Variants in NOCT observed in about 807,000 individuals in gnomAD.
The protein encoded by NOCT is nocturnin.
NOCT carries 18 observed loss-of-function variants against 35.0 expected under a neutral mutation model. The ratio of observed to expected loss-of-function variants is 0.51; its 90% CI spans 0.36 to 0.76. The LOEUF is 0.76. Among genes scored for constraint, NOCT ranks in the 30% least tolerant of loss-of-function variants. NOCT has a pLI of 0.01. For synonymous variants in NOCT, 235 were observed against 226.3 expected, an observed-to-expected ratio of 1.04 and a Z score of -0.34; for missense variants, 479 against 541.0, an observed-to-expected ratio of 0.89 and a Z score of 1.14.
rs564467808 is a variant in NOCT at position 139,030,167 on chromosome 4, C to G, written c.191-12907C>G. 2.3e-4 allele frequency among the ~76,000 whole-genome samples: 35 copies of G among 152,296 alleles called. No individual in the cohort carries two copies. The South Asian group carries it at 7.3e-3, about 32-fold the overall frequency. On this transcript the variant is annotated intron_variant, in intron 1 of 2. Transcript: ENST00000280614. ...GTGCTGAGACTACAGGCGTGAGCCA[C>G]CGCGCCTGGCCTAGAGTTACGTTTA... is the stretch of plus-strand genomic sequence containing the variant.
At chr4:139,028,344 T>G (rs2148643945) in intron 1 of NOCT, 1 of 152,494 alleles carries the variant, frequency 6.6e-6, no homozygotes, top group Middle Eastern at 3.4e-3. Context: ...GGTCTGTGAC[T>G]GCCACCTGGC....
intron 1 of NOCT, among the ~76,000 whole-genome samples, chr4:139,017,627 C>T (rs200410607): frequency 6.6e-6 from 1 of 151,094 alleles, no homozygotes; most frequent in Non-Finnish European, 1.5e-5. Context: ...GTCAGGAGTT[C>T]GTGACCATCC....
chr4:139,045,612 G>GT lies in NOCT; in HGVS notation c.*140dup. 1.9e-6 allele frequency: 1 copy of GT among 534,552 alleles called. No individual in the cohort carries two copies. The highest frequency in any genetic ancestry group is 3.0e-5 in the South Asian group (1 of 33,296). The allele number at this position is 534,552 out of a possible 1,614,324, so 33.1% of individuals were successfully genotyped here. A position where few individuals can be genotyped will look rare whatever the true frequency, so the allele number is the denominator to read the frequency against. On this transcript the variant is annotated 3_prime_UTR_variant, in exon 3 of 3. Transcript: ENST00000280614. ...GCTCACTGCAAGATCCGCCTCCCGGGTTCATGGCATTCTCCTGCCTCAGCC... is the reference window on the plus strand; with the variant it reads ...GCTCACTGCAAGATCCGCCTCCCGGGTTTCATGGCATTCTCCTGCCTCAGCC...
chr4:139,039,170 C>CAAAAAAA (rs59445691), intron 1 of NOCT, among the ~76,000 whole-genome samples: 74,198 of 90,850 alleles, frequency 0.82, 31,667 homozygotes, highest in South Asian at 0.91. Context: ...GACTCCATTT[C>CAAAAAAA]AAAAAAAAAA....
chr4:139,036,274 C>CT (rs1362329458), intron 1 of NOCT, among the ~76,000 whole-genome samples: 3 of 151,892 alleles, frequency 2.0e-5, no homozygotes, highest in Admixed American at 6.6e-5. Flanking sequence ...ATTTTTTTCT[C>CT]TAGAGAGACA....
At chr4:139,020,804 G>A (rs990925868) in intron 1 of NOCT, among the ~76,000 whole-genome samples, 2 of 152,012 alleles carry the variant, frequency 1.3e-5, no homozygotes, top group Non-Finnish European at 2.9e-5. Flanking sequence ...AGTGGTTCAC[G>A]CCTGTAATCC....
intron 2 of NOCT, chr4:139,043,628 A>C (rs1297211145): frequency 7.0e-6 from 2 of 284,324 alleles, no homozygotes; most frequent in Non-Finnish European, 1.3e-5. Context: ...TTAATTGTAA[A>C]AACCAAGTCA....
At chr4:139,028,874 C>A (rs1323462132) in intron 1 of NOCT, among the ~76,000 whole-genome samples, 1 of 152,144 alleles carries the variant, frequency 6.6e-6, no homozygotes, top group Non-Finnish European at 1.5e-5. Context: ...CTGAGTCTTG[C>A]TCTGTCGCCC....
intron 1 of NOCT, among the ~76,000 whole-genome samples, chr4:139,040,093 T>C (rs572543322): frequency 9.4e-4 from 135 of 144,354 alleles, no homozygotes; most frequent in Admixed American, 3.5e-3. Context: ...CAGGCTGGAG[T>C]GCAGTGGCGC....
At chr4:139,019,592 C>T (rs901106229) in intron 1 of NOCT, among the ~76,000 whole-genome samples, 13 of 152,212 alleles carry the variant, frequency 8.5e-5, no homozygotes, top group African/African-American at 2.7e-4. Flanking sequence ...TAGTGAGTCC[C>T]GACAGCTGTC....
In NOCT at chr4:139,044,706, A is replaced by G; in HGVS notation, c.528A>G (p.Lys176=). ...PVEALKWEER[K]CLILEEILAY... is the part of the protein sequence containing the mutation. ...AAGCACTCAAATGGGAAGAAAGGAA[A>G]TGTCTCATCCTGGAAGAAATCCTGG... The change falls in exon 3 of 3, where the codon AAA becomes AAG. Residue 176 remains lysine, a synonymous_variant. Coordinates refer to ENST00000280614, the MANE Select transcript of NOCT (RefSeq NM_012118.4). 2 of 1,614,214 alleles carry G rather than the reference A, an allele frequency of 1.2e-6. No individual in the cohort carries two copies. The highest frequency in any genetic ancestry group is 1.7e-6 in the Non-Finnish European group (2 of 1,180,036).
chr4:139,038,204 T>TC (rs1726769471), intron 1 of NOCT, among the ~76,000 whole-genome samples: 2 of 151,744 alleles, frequency 1.3e-5, no homozygotes, highest in African/African-American at 4.8e-5. Context: ...CTCAAATAAA[T>TC]AAATAAATAA....
intron 1 of NOCT, among the ~76,000 whole-genome samples, chr4:139,042,046 C>G (rs1726840842): frequency 7.0e-6 from 1 of 142,780 alleles, no homozygotes; most frequent in African/African-American, 2.5e-5. Flanking sequence ...TAACATTTCA[C>G]TTTTTACAAA....
At chr4:139,035,145 G>A (rs538286165) in intron 1 of NOCT, among the ~76,000 whole-genome samples, 2 of 151,686 alleles carry the variant, frequency 1.3e-5, no homozygotes, top group Admixed American at 1.3e-4. Flanking sequence ...TTTTTAAAGA[G>A]ATAGATAGGG....
chr4:139,015,958 G>A lies in NOCT; in HGVS notation c.-24G>A. On this transcript the variant is annotated 5_prime_UTR_variant, in exon 1 of 3. Coordinates refer to ENST00000280614, the MANE Select transcript of NOCT (RefSeq NM_012118.4). ...GCTCCGCTCCTCGGGCGCGCGAGGG[G>A]CCGTGGTGGCGGCGGCGCCCGGCAT... 7.5e-7 allele frequency: 1 copy of A among 1,331,848 alleles called. No individual in the cohort carries two copies. The highest frequency in any genetic ancestry group is 9.6e-7 in the Non-Finnish European group (1 of 1,046,200). The allele number at this position is 1,331,848 out of a possible 1,614,324, so 82.5% of individuals were successfully genotyped here.
In NOCT at chr4:139,021,137, A is replaced by G. The variant is rs549581601; in HGVS notation, c.190+4966A>G. Among the ~76,000 whole-genome samples the G allele has an allele frequency of 3.9e-5, 6 of 151,934 alleles. No homozygotes were observed. The South Asian group carries it at 1.3e-3, about 32-fold the overall frequency. ...AGGCAGTTCAAGAGACCCCTGAGAA[A>G]GAACATTGACCCCCGAAAAAAGCAG... On this transcript the variant is annotated intron_variant, in intron 1 of 2. Transcript: ENST00000280614.
At chr4:139,025,568 T>C (rs1726497722) in intron 1 of NOCT, among the ~76,000 whole-genome samples, 2 of 152,198 alleles carry the variant, frequency 1.3e-5, no homozygotes, top group Admixed American at 1.3e-4. Flanking sequence ...CCCAGCACTT[T>C]GGGAGGCCAA....
At chr4:139,029,548 A>G (rs1471554027) in intron 1 of NOCT, among the ~76,000 whole-genome samples, 3 of 152,262 alleles carry the variant, frequency 2.0e-5, no homozygotes, top group African/African-American at 7.2e-5. Context: ...CTGGTCGGTC[A>G]CTAACTAAAA....
At chr4:139,025,587 G>A (rs1726497943) in intron 1 of NOCT, among the ~76,000 whole-genome samples, 1 of 152,192 alleles carries the variant, frequency 6.6e-6, no homozygotes, top group Non-Finnish European at 1.5e-5. Flanking sequence ...AAGGCGGGCA[G>A]ATTGGGAGTT....
Sources: allele counts gnomAD v4.1 joint callset (sites outside exome capture counted in the v4.1 genomes callset), GRCh38; gene constraint gnomAD v4.1.1; transcripts MANE v1.5; gene names NCBI Gene and HGNC (gene_info 2026-07-23, HGNC 2026-07-21).